ROBO2: variants seen among roughly 807,000 people sequenced by gnomAD.
ROBO2 encodes roundabout guidance receptor 2.
ROBO2 carries 53 observed loss-of-function variants against 160.8 expected under a neutral mutation model. The ratio of observed to expected loss-of-function variants is 0.33; its 90% confidence interval spans 0.26 to 0.41. The LOEUF (loss-of-function observed/expected upper bound fraction) is 0.41, where lower values mean the gene tolerates loss of function less well. Ranked by LOEUF, ROBO2 falls within the 10% of genes least tolerant of loss-of-function variation. The pLI is 1.00. For synonymous variants in ROBO2, 664 were observed against 611.7 expected (o/e 1.09, Z -1.26); for missense variants, 1,577 against 1,722.4 (o/e 0.92, Z 1.49).
chr3:76,674,124 G>A (rs920285856), intron 2 of ROBO2, among the ~76,000 whole-genome samples: 2 of 151,870 alleles, frequency 1.3e-5, no homozygotes, highest in South Asian at 2.1e-4. Flanking sequence ...GTAATACATA[G>A]TATTTTCTAG....
At chr3:75,981,733 A>C (rs993195502) in intron 2 of ROBO2, among the ~76,000 whole-genome samples, 1 of 151,400 alleles carries the variant, frequency 6.6e-6, no homozygotes, top group Non-Finnish European at 1.5e-5. Flanking sequence ...AGAATGGGGT[A>C]TCCATTCCCT....
rs575640660 is a variant in ROBO2, at chr3:76,516,467, G to A, written c.109+578865G>A. Among the ~76,000 whole-genome samples, 3 of 152,174 alleles carry A rather than the reference G, an allele frequency of 2.0e-5. No homozygotes were observed. In the East Asian group the frequency reaches 5.8e-4, roughly 29 times the overall value. On this transcript the variant is annotated intron_variant, in intron 2 of 26. Transcript: ENST00000487694. ...TTGTCGTATTGAGTTGTAGATTCCC[G>A]TTTATTACTAAAGAGGCAGTAGCAA...
At chr3:76,722,214 T>G (rs1394084951) in intron 2 of ROBO2, among the ~76,000 whole-genome samples, 1 of 152,062 alleles carries the variant, frequency 6.6e-6, no homozygotes, top group African/African-American at 2.4e-5. Context: ...GAAAACTTTG[T>G]GTTTCACGCC....
At chr3:77,073,826 G>A (rs1337645743) in intron 1 of ROBO2, among the ~76,000 whole-genome samples, 1 of 152,136 alleles carries the variant, frequency 6.6e-6, no homozygotes, top group African/African-American at 2.4e-5. Flanking sequence ...ATTGTCCTGT[G>A]GGCATGGTGC....
chr3:76,030,314 A>G (rs1049854599), intron 2 of ROBO2, among the ~76,000 whole-genome samples: 48 of 152,042 alleles, frequency 3.2e-4, no homozygotes, highest in African/African-American at 5.5e-4. Flanking sequence ...CGTTCTGTAG[A>G]TTGCCTGTTC....
intron 2 of ROBO2, among the ~76,000 whole-genome samples, chr3:76,833,977 T>TTTC (rs2067307715): frequency 1.8e-5 from 2 of 109,166 alleles, no homozygotes; most frequent in Non-Finnish European, 4.2e-5. Flanking sequence ...TTTCTCTTTC[T>TTTC]TTTCTTTCTT....
chr3:76,857,486 T>G (rs2148589083), intron 2 of ROBO2, among the ~76,000 whole-genome samples: 1 of 152,310 alleles, frequency 6.6e-6, no homozygotes, highest in South Asian at 2.1e-4. Context: ...TCAATGCATT[T>G]ATTTTTAGTC....
At chr3:76,704,797 AG>A (rs1415152055) in intron 2 of ROBO2, among the ~76,000 whole-genome samples, 4 of 152,152 alleles carry the variant, frequency 2.6e-5, no homozygotes, top group Non-Finnish European at 4.4e-5. Context: ...ATAGCTAAGC[AG>A]GGCTCTCTAG....
intron 2 of ROBO2, among the ~76,000 whole-genome samples, chr3:77,152,711 T>TAG (rs1372837598): frequency 1.3e-5 from 2 of 152,338 alleles, no homozygotes; most frequent in East Asian, 3.9e-4. Flanking sequence ...CCCAAATGTA[T>TAG]AGAACATTGG....
intron 2 of ROBO2, among the ~76,000 whole-genome samples, chr3:76,814,985 CA>C: frequency 6.6e-6 from 1 of 152,148 alleles, no homozygotes; most frequent in East Asian, 1.9e-4. Flanking sequence ...AGCTTACAAT[CA>C]GGCTTTCCCT....
rs1034579059 is a variant in ROBO2, at chr3:76,435,241, A to T, written c.109+497639A>T. 9 of 1,519,146 alleles carry T rather than the reference A, an allele frequency of 5.9e-6. No individual in the cohort carries two copies. In the Admixed American group the frequency reaches 1.5e-4, roughly 25 times the overall value. 94.1% of individuals were successfully genotyped at this position (1,519,146 alleles called of 1,614,324 possible). A position where few individuals can be genotyped will look rare whatever the true frequency, so the allele number is the denominator to read the frequency against. ...CCAACCATATCCATCAACAAAACAG[A>T]TGGCTGCCATGCTTACCTGAGCAAG... is the stretch of plus-strand genomic sequence containing the variant. On this transcript the variant is annotated intron_variant, in intron 2 of 26. Coordinates refer to the ROBO2 transcript ENST00000487694.
At chr3:75,984,321 C>T (rs1438427901) in intron 2 of ROBO2, among the ~76,000 whole-genome samples, 1 of 151,314 alleles carries the variant, frequency 6.6e-6, no homozygotes, top group East Asian at 1.9e-4. Flanking sequence ...AGTAAAATGC[C>T]CGTGATGGTA....
chr3:76,201,755 C>A (rs1826744), intron 2 of ROBO2, among the ~76,000 whole-genome samples: 16,491 of 151,888 alleles, frequency 0.11, 1,151 homozygotes, highest in African/African-American at 0.2. Flanking sequence ...GTTTGCTGGG[C>A]TGCACAGGGA....
intron 24 of ROBO2, among the ~76,000 whole-genome samples, chr3:77,640,296 G>T (rs572785394): frequency 3.4e-4 from 52 of 152,056 alleles, no homozygotes; most frequent in Middle Eastern, 3.4e-3. Flanking sequence ...TGTATTTTTA[G>T]TAGAGACGGG....
intron 2 of ROBO2, among the ~76,000 whole-genome samples, chr3:76,582,431 T>A (rs530180014): frequency 9.6e-4 from 146 of 152,280 alleles, no homozygotes; most frequent in African/African-American, 3.5e-3. Context: ...AACAGAAAAT[T>A]GTCATGCAAT....
rs5850259 is a variant in ROBO2 at position 76,548,636 on chromosome 3, A to ATTT, written c.110-549366_110-549364dup. Among the ~76,000 whole-genome samples the ATTT allele has an allele frequency of 1.5e-3, 225 of 146,764 alleles. 2 individuals are homozygous for ATTT. The highest frequency in any genetic ancestry group is 5.0e-3 in the African/African-American group (202 of 40,024). The stretch of plus-strand genomic sequence containing the variant: ...TTTATTCCTGGGAACCAGAGGGAGG[A>ATTT]TTTTTTTTTTTTTTAATAGACGGGA... On this transcript the variant is annotated intron_variant, in intron 2 of 26. Transcript: ENST00000487694.
At chr3:77,608,033 G>C (rs2094559577) in intron 21 of ROBO2, 79 bp downstream of exon 22, 1 of 1,415,426 alleles carries the variant, frequency 7.1e-7, no homozygotes, top group South Asian at 1.2e-5. Context: ...ATCATCTTAT[G>C]TTCTCTCACT....
At chr3:77,267,654 C>T (rs2153348678) in intron 2 of ROBO2, among the ~76,000 whole-genome samples, 1 of 152,266 alleles carries the variant, frequency 6.6e-6, no homozygotes, top group East Asian at 1.9e-4. Context: ...TGGGACTGAT[C>T]CCTCTTGCTC....
chr3:77,111,815 A>T (rs73095825), intron 2 of ROBO2, among the ~76,000 whole-genome samples: 4,308 of 152,278 alleles, frequency 0.028, 83 homozygotes, highest in Middle Eastern at 0.068. Flanking sequence ...TAATAAAGAG[A>T]TGCAATGCGT....
Sources: gnomAD v4.1 joint callset for allele counts (sites outside exome capture counted in the v4.1 genomes callset) on GRCh38, gnomAD v4.1.1 for gene constraint, MANE v1.5 for transcripts, NCBI Gene and HGNC (gene_info 2026-07-23, HGNC 2026-07-21) for gene names.